DDX6: variants seen among roughly 807,000 people sequenced by gnomAD.
DDX6 encodes the protein DEAD-box helicase 6, also known as probable ATP-dependent RNA helicase DDX6.
DDX6 carries 7 observed loss-of-function variants against 60.6 expected under a neutral mutation model. The ratio of observed to expected loss-of-function variants is 0.12; its 90% CI spans 0.07 to 0.22. DDX6 has a LOEUF of 0.22. Among genes scored for constraint, DDX6 ranks in the 10% least tolerant of loss-of-function variants. The pLI, the probability that DDX6 is intolerant of heterozygous loss-of-function variation, is 1.00. For missense variants in DDX6, 270 were observed against 589.9 expected (o/e 0.46, Z 5.62); for synonymous variants, 207 against 201.0 (o/e 1.03, Z -0.25).
intron 4 of DDX6, among the ~76,000 whole-genome samples, chr11:118,777,067 T>A (rs1022574822): frequency 2.6e-5 from 4 of 152,042 alleles, no homozygotes; most frequent in African/African-American, 9.7e-5. Flanking sequence ...GGTTGTCCCA[T>A]CTTCCTCTAA....
At chr11:118,764,015 G>A (rs1248721665) in intron 6 of DDX6, among the ~76,000 whole-genome samples, 3 of 151,988 alleles carry the variant, frequency 2.0e-5, no homozygotes, top group Admixed American at 1.3e-4. Flanking sequence ...TAAATCACCT[G>A]CTGCTTTCAA....
intron 4 of DDX6, among the ~76,000 whole-genome samples, chr11:118,774,098 T>A: frequency 6.6e-6 from 1 of 152,170 alleles, no homozygotes; most frequent in Non-Finnish European, 1.5e-5. Context: ...AATAATCAAC[T>A]ACTTCTCATT....
At chr11:118,769,898 C>T (rs1448979304) in intron 4 of DDX6, among the ~76,000 whole-genome samples, 6 of 151,956 alleles carry the variant, frequency 3.9e-5, no homozygotes, top group Admixed American at 3.3e-4. Context: ...TTAGTAGAGA[C>T]GGGGTTTCAC....
chr11:118,770,359 G>A (rs984058906), intron 4 of DDX6, among the ~76,000 whole-genome samples: 1 of 152,084 alleles, frequency 6.6e-6, no homozygotes, highest in Non-Finnish European at 1.5e-5. Context: ...TAAGATACTA[G>A]GAACCAAATT....
At chr11:118,784,617 C>A (rs1230029435) in intron 2 of DDX6, among the ~76,000 whole-genome samples, 1 of 152,070 alleles carries the variant, frequency 6.6e-6, no homozygotes, top group Admixed American at 6.6e-5. Flanking sequence ...TGCCATCACA[C>A]CCAGCTGATT....
chr11:118,767,049 G>A (rs1306473814), intron 5 of DDX6, among the ~76,000 whole-genome samples: 1 of 152,002 alleles, frequency 6.6e-6, no homozygotes, highest in Non-Finnish European at 1.5e-5. Flanking sequence ...ACCACACCCA[G>A]CTAATTTTTG....
rs548543005 is a variant in DDX6, at chr11:118,762,876, AGAGAC to A, written c.741+331_741+335del. Among the ~76,000 whole-genome samples the A allele has an allele frequency of 7.2e-5, 11 of 152,346 alleles. 1 individual carries two copies. Among genetic ancestry groups the A allele is most frequent in the African/African-American group, 2.6e-4 (11 of 41,586 alleles). On this transcript the variant is annotated intron_variant, in intron 7 of 13. Transcript: ENST00000534980. ...ACAAAGTAGTATGCACAAAATGAGAAGAGACAATATATATTATATGCTTTTAAAAA... is the reference window on the plus strand; with the variant it reads ...ACAAAGTAGTATGCACAAAATGAGAAAATATATATTATATGCTTTTAAAAA...
rs554953390 is a variant in DDX6 at position 118,770,414 on chromosome 11, A to AAAAC, written c.370-2066_370-2063dup. On this transcript the variant is annotated intron_variant, in intron 4 of 13. Coordinates refer to ENST00000534980, the MANE Select transcript of DDX6 (RefSeq NM_004397.6). The stretch of plus-strand genomic sequence containing the variant: ...CCCTTCTATGCCTGGGCTAACGACA[A>AAAAC]AAACAAACAAACAAACAAAAAACAG... Among the ~76,000 whole-genome samples the AAAAC allele has an allele frequency of 9.2e-5, 14 of 152,314 alleles. No individual in the cohort carries two copies. In the South Asian group the frequency reaches 1.4e-3, roughly 16 times the overall value.
rs1468854091 is a variant in DDX6, at chr11:118,748,010, G to A, written c.*4095C>T. On this transcript the variant is annotated 3_prime_UTR_variant, in exon 14 of 14. Coordinates refer to ENST00000534980, the MANE Select transcript of DDX6 (RefSeq NM_004397.6). ...CCACTGTTCACTTCTCAGTGGAACT[G>A]GTCCCTTGTGGCTAGGGACATTGGA... 6.7e-6 allele frequency: 1 copy of A among 149,142 alleles called. No homozygotes were observed. The highest frequency in any genetic ancestry group is 1.5e-5 in the Non-Finnish European group (1 of 67,752). 9.2% of individuals were successfully genotyped at this position (149,142 alleles called of 1,614,324 possible). A position where few individuals can be genotyped will look rare whatever the true frequency, so the allele number is the denominator to read the frequency against.
chr11:118,760,703 C>G (rs190026008), intron 7 of DDX6, among the ~76,000 whole-genome samples: 1 of 151,810 alleles, frequency 6.6e-6, no homozygotes, highest in South Asian at 2.1e-4. Flanking sequence ...CACCTATAAT[C>G]CCAGGTACTC....
At chr11:118,752,952 G>C (rs940177124) in intron 13 of DDX6, among the ~76,000 whole-genome samples, 5 of 152,146 alleles carry the variant, frequency 3.3e-5, no homozygotes, top group African/African-American at 9.6e-5. Context: ...TGGGAAGACA[G>C]GTTGTCCAGG....
At chr11:118,778,023 AAAAAAAATTG>A (rs1279142975) in intron 4 of DDX6, among the ~76,000 whole-genome samples, 18 of 152,122 alleles carry the variant, frequency 1.2e-4, no homozygotes, top group East Asian at 3.9e-4. Context: ...ATAATAATAA[AAAAAAAATTG>A]AAAAAAATTG....
At chr11:118,787,688 G>A (rs1395704691) in intron 1 of DDX6, 1 of 151,746 alleles carries the variant, frequency 6.6e-6, no homozygotes, top group East Asian at 1.9e-4. Flanking sequence ...TTTCCTTTTT[G>A]TCCTTTAAAA....
chr11:118,777,897 G>GAAAAAAAAAAAA (rs374046858), intron 4 of DDX6, among the ~76,000 whole-genome samples: 4 of 99,576 alleles, frequency 4.0e-5, no homozygotes, highest in Non-Finnish European at 7.5e-5. Context: ...TCAAAAAAGA[G>GAAAAAAAAAAAA]AAAAAAAAAA....
chr11:118,781,417 T>C (rs147167335), intron 2 of DDX6, among the ~76,000 whole-genome samples: 3 of 152,196 alleles, frequency 2.0e-5, no homozygotes, highest in African/African-American at 4.8e-5. Flanking sequence ...TTAAGCAATA[T>C]TGTATACAGT....
chr11:118,769,760 A>C (rs1338037297), intron 4 of DDX6, among the ~76,000 whole-genome samples: 3 of 152,104 alleles, frequency 2.0e-5, no homozygotes, highest in East Asian at 1.9e-4. Flanking sequence ...GCTGGAGTGC[A>C]GTGGCACAAT....
In DDX6 at chr11:118,750,080, C is replaced by T. The variant is rs782698412; in HGVS notation, c.*2025G>A. 2.6e-5 allele frequency: 4 copies of T among 152,512 alleles called. No homozygotes were observed. The highest frequency in any genetic ancestry group is 4.4e-5 in the Non-Finnish European group (3 of 68,018). The allele number at this position is 152,512 out of a possible 1,614,324, so 9.4% of individuals were successfully genotyped here. A position where few individuals can be genotyped will look rare whatever the true frequency, so the allele number is the denominator to read the frequency against. On this transcript the variant is annotated 3_prime_UTR_variant, in exon 14 of 14. Coordinates refer to ENST00000534980, the MANE Select transcript of DDX6 (RefSeq NM_004397.6). ...AAAAAGCAACTTCAAGTAATTGATT[C>T]CTTTGTCCAAAAGAGTTAAAACATT...
chr11:118,770,968 G>C (rs964812570), intron 4 of DDX6, among the ~76,000 whole-genome samples: 2 of 151,942 alleles, frequency 1.3e-5, no homozygotes, highest in Admixed American at 1.3e-4. Flanking sequence ...TGCTTATTAA[G>C]GTAAAGCAAA....
chr11:118,758,490 C>T (rs1484188112), intron 9 of DDX6, among the ~76,000 whole-genome samples: 5 of 152,146 alleles, frequency 3.3e-5, no homozygotes, highest in African/African-American at 1.2e-4. Context: ...TCTCCTGCCT[C>T]GGCCTCCCAA....
Sources: allele counts gnomAD v4.1 joint callset (sites outside exome capture counted in the v4.1 genomes callset), GRCh38; gene constraint gnomAD v4.1.1; transcripts MANE v1.5; gene names NCBI Gene and HGNC (gene_info 2026-07-23, HGNC 2026-07-21).